MDGA2: variants seen among roughly 807,000 people sequenced by gnomAD.
MDGA2 encodes the protein MAM domain containing glycosylphosphatidylinositol anchor 2, also known as MAM domain-containing glycosylphosphatidylinositol anchor protein 2.
In MDGA2, 40 loss-of-function variants were observed where a neutral mutation model predicts 117.8. The ratio of observed to expected loss-of-function variants is 0.34; its 90% confidence interval spans 0.26 to 0.44. The LOEUF (loss-of-function observed/expected upper bound fraction) is 0.44. Ranked by LOEUF, MDGA2 falls within the 20% of genes least tolerant of loss-of-function variation. The pLI is 1.00. For missense variants in MDGA2, 1,123 were observed against 1,250.6 expected (o/e 0.90, Z 1.54); for synonymous variants, 452 against 439.0 (o/e 1.03, Z -0.37).
chr14:47,276,732 T>C (rs1258531276), intron 2 of MDGA2, among the ~76,000 whole-genome samples: 1 of 152,052 alleles, frequency 6.6e-6, no homozygotes, highest in East Asian at 1.9e-4. Context: ...TTATTTGGAG[T>C]GGTCAATGAG....
At chr14:47,211,563 T>A (rs1885884356) in intron 3 of MDGA2, among the ~76,000 whole-genome samples, 1 of 152,188 alleles carries the variant, frequency 6.6e-6, no homozygotes, top group African/African-American at 2.4e-5. Flanking sequence ...GAAAGCCTGA[T>A]TAATCTTTGC....
intron 6 of MDGA2, among the ~76,000 whole-genome samples, chr14:47,068,353 AATT>A (rs1192300656): frequency 6.6e-6 from 1 of 150,530 alleles, no homozygotes; most frequent in African/African-American, 2.4e-5. Flanking sequence ...ATAATAACAT[AATT>A]ATTATCATTA....
intron 10 of MDGA2, among the ~76,000 whole-genome samples, chr14:46,890,714 G>A (rs1359724098): frequency 6.6e-6 from 1 of 152,056 alleles, no homozygotes; most frequent in South Asian, 2.1e-4. Flanking sequence ...GTAAATAAAT[G>A]AAAGGCCTTG....
chr14:47,469,715 T>G (rs1460502289), intron 1 of MDGA2, among the ~76,000 whole-genome samples: 1 of 152,154 alleles, frequency 6.6e-6, no homozygotes, highest in South Asian at 2.1e-4. Context: ...TCAAGATCCC[T>G]GAGGAATCGC....
At chr14:46,943,479 G>T (rs1033883728) in intron 9 of MDGA2, among the ~76,000 whole-genome samples, 4 of 151,720 alleles carry the variant, frequency 2.6e-5, no homozygotes, top group Admixed American at 6.6e-5. Context: ...CTGTTACTTG[G>T]TGTATTTTGA....
chr14:47,562,438 G>A (rs999451440), intron 1 of MDGA2, among the ~76,000 whole-genome samples: 1 of 152,068 alleles, frequency 6.6e-6, no homozygotes, highest in African/African-American at 2.4e-5. Context: ...TGGTATCCAG[G>A]GATTCTATTT....
At chr14:46,850,120 A>G (rs760943449) in intron 15 of MDGA2, among the ~76,000 whole-genome samples, 6 of 151,934 alleles carry the variant, frequency 3.9e-5, no homozygotes, top group Non-Finnish European at 5.9e-5. Flanking sequence ...TAATCAGAAA[A>G]TTAACTTTTG....
intron 8 of MDGA2, among the ~76,000 whole-genome samples, chr14:47,007,994 C>T (rs904100025): frequency 6.6e-6 from 1 of 151,718 alleles, no homozygotes; most frequent in Admixed American, 6.6e-5. Context: ...TTTCCAAATG[C>T]ATTTGTTTCA....
chr14:46,993,898 T>A (rs563279614), intron 8 of MDGA2, among the ~76,000 whole-genome samples: 1 of 152,222 alleles, frequency 6.6e-6, no homozygotes, highest in African/African-American at 2.4e-5. Flanking sequence ...CTGGGAGGTG[T>A]CCATGTTATA....
At chr14:46,912,696 C>A (rs957750795) in intron 10 of MDGA2, among the ~76,000 whole-genome samples, 1 of 152,144 alleles carries the variant, frequency 6.6e-6, no homozygotes, top group Middle Eastern at 3.2e-3. Flanking sequence ...TAAATCTATA[C>A]AAAGGCACCA....
At chr14:47,000,191 TGTGA>T (rs1887452257) in intron 8 of MDGA2, among the ~76,000 whole-genome samples, 2 of 150,648 alleles carry the variant, frequency 1.3e-5, no homozygotes, top group Admixed American at 1.3e-4. Flanking sequence ...CTCACAACAC[TGTGA>T]GTTAGACATA....
At chr14:47,558,097 G>A (rs1166903201) in intron 1 of MDGA2, among the ~76,000 whole-genome samples, 3 of 152,222 alleles carry the variant, frequency 2.0e-5, no homozygotes, top group Middle Eastern at 3.2e-3. Context: ...AGTGGGGAGT[G>A]TGGCAGGAAG....
chr14:47,098,991 A>G (rs2138987947), intron 5 of MDGA2, among the ~76,000 whole-genome samples: 1 of 152,076 alleles, frequency 6.6e-6, no homozygotes, highest in South Asian at 2.1e-4. Flanking sequence ...TAACTATAAT[A>G]CATTTTAGAA....
chr14:47,353,637 TAAC>T (rs1258937388), intron 1 of MDGA2, among the ~76,000 whole-genome samples: 2 of 152,040 alleles, frequency 1.3e-5, no homozygotes, highest in African/African-American at 4.8e-5. Flanking sequence ...AGTAGACCAA[TAAC>T]AACAACAACA....
chr14:47,371,167 T>C (rs1252967378), intron 1 of MDGA2, among the ~76,000 whole-genome samples: 1 of 151,868 alleles, frequency 6.6e-6, no homozygotes, highest in African/African-American at 2.4e-5. Context: ...GATTCCCTGC[T>C]AGGACATGCG....
intron 1 of MDGA2, 111 bp downstream of exon 1, chr14:47,674,405 TC>T: frequency 1.1e-6 from 1 of 890,920 alleles, no homozygotes; most frequent in African/African-American, 1.7e-5. Context: ...GAAGTGTAAA[TC>T]AAATGCCACG....
chr14:47,078,548 C>A (rs188913110), intron 6 of MDGA2, among the ~76,000 whole-genome samples: 6 of 152,118 alleles, frequency 3.9e-5, no homozygotes, highest in Non-Finnish European at 7.4e-5. Context: ...GACATTAGGA[C>A]AGCACAACTC....
intron 4 of MDGA2, among the ~76,000 whole-genome samples, chr14:47,137,303 G>C (rs1181904507): frequency 6.6e-6 from 1 of 152,104 alleles, no homozygotes; most frequent in African/African-American, 2.4e-5. Context: ...ATTGGCATAG[G>C]AGAAGGTGCT....
intron 3 of MDGA2, chr14:47,201,051 GC>G: frequency 8.7e-7 from 1 of 1,143,384 alleles, no homozygotes; most frequent in Non-Finnish European, 1.3e-6. Flanking sequence ...TGGCCGCCAG[GC>G]GGCCCAGGAG....
Sources: allele counts gnomAD v4.1 joint callset (sites outside exome capture counted in the v4.1 genomes callset), GRCh38; gene constraint gnomAD v4.1.1; transcripts MANE v1.5; gene names NCBI Gene and HGNC (gene_info 2026-07-23, HGNC 2026-07-21).